UBE4B: variants seen among roughly 807,000 people sequenced by gnomAD.
UBE4B encodes the protein ubiquitination factor E4B, also known as ubiquitin conjugation factor E4 B.
A neutral mutation model predicts 148.1 loss-of-function variants in UBE4B; 27 were observed. The observed-to-expected ratio is 0.18, with a 90% confidence interval of 0.13 to 0.25. UBE4B has a LOEUF of 0.25. UBE4B is among the 10% of genes least tolerant of loss of function. UBE4B has a pLI of 1.00. For missense variants in UBE4B, 1,170 were observed against 1,662.4 expected, an observed-to-expected ratio of 0.70 and a Z score of 5.15; for synonymous variants, 596 against 619.3, an observed-to-expected ratio of 0.96 and a Z score of 0.56.
chr1:10,169,571 C>T (rs149057218), intron 24 of UBE4B, among the ~76,000 whole-genome samples: 146 of 152,360 alleles, frequency 9.6e-4, no homozygotes, highest in African/African-American at 3.2e-3. Context: ...AACAAAACAG[C>T]TCACTGGCCA....
intron 1 of UBE4B, among the ~76,000 whole-genome samples, chr1:10,064,393 G>A (rs1570808496): frequency 6.6e-6 from 1 of 152,166 alleles, no homozygotes; most frequent in Non-Finnish European, 1.5e-5. Flanking sequence ...TCGCATCTCC[G>A]AGGAATTGTA....
chr1:10,106,600 A>G lies in UBE4B; in HGVS notation c.1196+17A>G. On this transcript the variant is annotated intron_variant, in intron 7 of 27. Coordinates refer to ENST00000343090, the MANE Select transcript of UBE4B (RefSeq NM_001105562.3). The surrounding 1 kb of genome is among the most constrained non-coding windows in gnomAD (Gnocchi z 4.2). ...CTCTCCTAGGTATTTATCCCACAGG[A>G]GAGTTGCATGTGTGTTTGCGGTGCA... 6.6e-7 allele frequency: 1 copy of G among 1,518,800 alleles called. No individual in the cohort carries two copies. The allele number at this position is 1,518,800 out of a possible 1,614,324, so 94.1% of individuals were successfully genotyped here. A position where few individuals can be genotyped will look rare whatever the true frequency, so the allele number is the denominator to read the frequency against.
intron 17 of UBE4B, among the ~76,000 whole-genome samples, chr1:10,143,728 T>TAAGCAGAAAGGGGA (rs1269093278): frequency 6.6e-6 from 1 of 152,228 alleles, no homozygotes; most frequent in Non-Finnish European, 1.5e-5. Flanking sequence ...TCTTCTGGGA[T>TAAGCAGAAAGGGGA]AAGCAGAAAG....
chr1:10,179,409 C>G lies in UBE4B; in HGVS notation c.3701-7C>G. On this transcript the variant is annotated splice_polypyrimidine_tract_variant and splice_region_variant and intron_variant, in intron 26 of 27. Coordinates refer to ENST00000343090, the MANE Select transcript of UBE4B (RefSeq NM_001105562.3). ...AGATTAGAGTTTGCTTTGCTTTGTC[C>G]CCGCAGACCCTCTGATGGACACCCT... 1.2e-6 allele frequency: 2 copies of G among 1,612,766 alleles called. No individual in the cohort carries two copies. The highest frequency in any genetic ancestry group is 4.5e-5 in the East Asian group (2 of 44,848).
chr1:10,159,445 G>C (rs1360101495), intron 22 of UBE4B, among the ~76,000 whole-genome samples: 2 of 152,184 alleles, frequency 1.3e-5, no homozygotes, highest in Non-Finnish European at 2.9e-5. Flanking sequence ...GGCCGAGCAG[G>C]GCGGATCAGG....
chr1:10,095,738 A>C, intron 3 of UBE4B, 142 bp downstream of exon 3: 1 of 908,744 alleles, frequency 1.1e-6, no homozygotes, highest in Non-Finnish European at 1.6e-6. Flanking sequence ...AATGTATTAA[A>C]TTTAAAGATT....
At chr1:10,146,475 A>G (rs990535861) in intron 18 of UBE4B, among the ~76,000 whole-genome samples, 1 of 152,134 alleles carries the variant, frequency 6.6e-6, no homozygotes, top group Non-Finnish European at 1.5e-5. Context: ...AAGAAACATA[A>G]AAACTGCTTA....
chr1:10,083,621 G>T (rs1174270412), intron 2 of UBE4B, among the ~76,000 whole-genome samples: 1 of 152,092 alleles, frequency 6.6e-6, no homozygotes, highest in Non-Finnish European at 1.5e-5. Flanking sequence ...TTCGAGGGTG[G>T]TTAAGCAGCT....
intron 17 of UBE4B, among the ~76,000 whole-genome samples, chr1:10,140,012 C>T (rs916389296): frequency 2.0e-5 from 3 of 152,164 alleles, no homozygotes; most frequent in South Asian, 2.1e-4. Flanking sequence ...TGAGCCACTG[C>T]ACCCGGCCCA....
rs201265548 is a variant in UBE4B at position 10,105,679 on chromosome 1, C to T, written c.744C>T (p.Gly248=). 1.2e-4 allele frequency: 186 copies of T among 1,614,214 alleles called. 3 individuals are homozygous for T. The East Asian group carries it at 4.1e-3, about 36-fold the overall frequency. The change falls in exon 6 of 28, where the codon GGC becomes GGT. Residue 248 remains glycine (G), a synonymous_variant. Coordinates refer to ENST00000343090, the MANE Select transcript of UBE4B (RefSeq NM_001105562.3). Reference sequence around the variant, plus strand: ...ACAGAAATCTCTTGCTAAACACTGGCTCCAATCCAGGAACAAGCCCCATGT... The same window carrying T: ...ACAGAAATCTCTTGCTAAACACTGGTTCCAATCCAGGAACAAGCCCCATGT... The part of the protein sequence containing the change: ...SPDRNLLLNT[G]SNPGTSPMFC...
intron 18 of UBE4B, among the ~76,000 whole-genome samples, chr1:10,146,271 G>A (rs1335362236): frequency 1.3e-5 from 2 of 152,108 alleles, no homozygotes; most frequent in South Asian, 2.1e-4. Flanking sequence ...GGCCAACATG[G>A]TGAAACCCCG....
chr1:10,110,164 C>T (rs759786941), intron 7 of UBE4B, among the ~76,000 whole-genome samples: 6 of 152,176 alleles, frequency 3.9e-5, no homozygotes, highest in South Asian at 2.1e-4. Flanking sequence ...GGGGTTGGAT[C>T]GCTCTCTCCA....
intron 17 of UBE4B, among the ~76,000 whole-genome samples, chr1:10,143,326 C>T (rs543520362): frequency 1.3e-5 from 2 of 152,064 alleles, no homozygotes; most frequent in Admixed American, 6.5e-5. Flanking sequence ...CGCTTCAACC[C>T]GGGAGTCAGA....
chr1:10,131,921 T>C (rs908457193), intron 14 of UBE4B, among the ~76,000 whole-genome samples: 5 of 149,978 alleles, frequency 3.3e-5, no homozygotes, highest in African/African-American at 1.2e-4. Flanking sequence ...CACTGCACTT[T>C]AGCCTGGGCA....
At chr1:10,129,763 G>A (rs865776552) in intron 12 of UBE4B, among the ~76,000 whole-genome samples, 28 of 151,916 alleles carry the variant, frequency 1.8e-4, no homozygotes, top group African/African-American at 6.0e-4. Context: ...TGAGTCTCGT[G>A]CCTCAGCCTC....
intron 25 of UBE4B, among the ~76,000 whole-genome samples, chr1:10,175,465 C>G (rs1459277172): frequency 2.7e-5 from 4 of 150,422 alleles, no homozygotes; most frequent in African/African-American, 5.0e-5. Flanking sequence ...TCCTGGCTAA[C>G]ACGGTGAAAC....
intron 1 of UBE4B, among the ~76,000 whole-genome samples, chr1:10,066,310 G>T (rs545041863): frequency 3.0e-4 from 46 of 151,488 alleles, no homozygotes; most frequent in East Asian, 2.7e-3. Flanking sequence ...GTGGGATTGG[G>T]GGGGGAGGGG....
chr1:10,153,027 G>A (rs78708465), intron 21 of UBE4B, among the ~76,000 whole-genome samples: 2,654 of 151,998 alleles, frequency 0.017, 35 homozygotes, highest in Non-Finnish European at 0.027. Context: ...CTGGGGGTAC[G>A]AGACAAAGCT....
intron 23 of UBE4B, chr1:10,166,455 G>C (rs1373157057): frequency 2.6e-5 from 4 of 152,132 alleles, no homozygotes; most frequent in Non-Finnish European, 4.4e-5. Flanking sequence ...GACCCGATAG[G>C]CCTCAATACG....
Sources: allele counts gnomAD v4.1 joint callset (sites outside exome capture counted in the v4.1 genomes callset), GRCh38; gene constraint gnomAD v4.1.1; non-coding constraint Gnocchi (gnomAD v3.1); transcripts MANE v1.5; gene names NCBI Gene and HGNC (gene_info 2026-07-23, HGNC 2026-07-21).